TTLL7: variants seen among roughly 807,000 people sequenced by gnomAD.
The protein encoded by TTLL7 is tubulin tyrosine ligase like 7, also known as tubulin polyglutamylase TTLL7.
In TTLL7, 53 loss-of-function variants were observed where a neutral mutation model predicts 120.2. That is an observed-to-expected ratio of 0.44 (90% CI 0.35 to 0.55). TTLL7 has a LOEUF of 0.55. Among genes scored for constraint, TTLL7 ranks in the 20% least tolerant of loss-of-function variants. The pLI is 0.00. For synonymous variants in TTLL7, 353 were observed against 351.7 expected, an observed-to-expected ratio of 1.00 and a Z score of -0.04; for missense variants, 803 against 1,054.7, an observed-to-expected ratio of 0.76 and a Z score of 3.31.
rs766993889 is a variant in TTLL7 at position 83,937,878 on chromosome 1, C to T, written c.862G>A (p.Val288Ile). 1 of 1,614,004 alleles carries T rather than the reference C, an allele frequency of 6.2e-7. No individual in the cohort carries two copies. The highest frequency in any genetic ancestry group is 8.5e-7 in the Non-Finnish European group (1 of 1,179,948). ...GAAATATCACTCCAAAACTTAGCAA[C>T]ATCATGTTGATTTGCTTGAAGGAAT... is the stretch of plus-strand genomic sequence containing the variant. ...TEFLQANQHD[V>I]AKFWSDISEL... is the part of the protein sequence containing the mutation. The change falls in exon 8 of 21, where the codon GTT becomes ATT. Residue 288 changes from valine (V) to isoleucine (I), a missense_variant. Val to Ile is a conservative substitution (Grantham distance 29). Transcript: ENST00000260505.
rs148312754 is a variant in TTLL7 at position 83,928,002 on chromosome 1, A to G, written c.1142+1134T>C. On this transcript the variant is annotated intron_variant, in intron 10 of 20. Coordinates refer to ENST00000260505, the MANE Select transcript of TTLL7 (RefSeq NM_024686.6). Reference sequence around the variant, plus strand: ...TCTGTGGAACAACACTAAGAAAGATAAAGAAAATGAATTTCTACTTTCCCT... The same window carrying G: ...TCTGTGGAACAACACTAAGAAAGATGAAGAAAATGAATTTCTACTTTCCCT... Among the ~76,000 whole-genome samples the G allele has an allele frequency of 1.4e-4, 22 of 152,310 alleles. No individual in the cohort carries two copies. The East Asian group carries it at 4.2e-3, about 29-fold the overall frequency.
chr1:83,886,969 T>C (rs1028651404), intron 19 of TTLL7, among the ~76,000 whole-genome samples: 23 of 152,056 alleles, frequency 1.5e-4, no homozygotes, highest in African/African-American at 4.8e-4. Flanking sequence ...ATTCCAAATG[T>C]GGGCATCATA....
At chr1:83,911,825 G>T (rs1012777325) in intron 14 of TTLL7, among the ~76,000 whole-genome samples, 9 of 151,920 alleles carry the variant, frequency 5.9e-5, no homozygotes, top group African/African-American at 2.2e-4. Flanking sequence ...GTGTGTGTAT[G>T]TGTGTGGTGT....
chr1:83,968,971 T>C (rs1032394079), intron 1 of TTLL7, among the ~76,000 whole-genome samples: 1 of 152,044 alleles, frequency 6.6e-6, no homozygotes, highest in African/African-American at 2.4e-5. Context: ...AAATTTCTTC[T>C]GAACATAGTA....
At chr1:83,875,067 A>G (rs12116522) in intron 20 of TTLL7, among the ~76,000 whole-genome samples, 6,326 of 151,904 alleles carry the variant, frequency 0.042, 157 homozygotes, top group Middle Eastern at 0.099. Context: ...TAAATGTTCC[A>G]TTGAATGAGT....
intron 1 of TTLL7, among the ~76,000 whole-genome samples, chr1:83,997,309 T>G (rs546089425): frequency 1.3e-5 from 2 of 152,304 alleles, no homozygotes; most frequent in South Asian, 4.1e-4. Context: ...AAACAAGAGA[T>G]GCATTTCTTA....
intron 1 of TTLL7, among the ~76,000 whole-genome samples, chr1:83,966,414 T>G (rs1557757250): frequency 1.3e-5 from 2 of 152,062 alleles, no homozygotes; most frequent in African/African-American, 4.8e-5. Flanking sequence ...ATATAATTGA[T>G]TCTGTTTCTA....
At chr1:83,955,627 T>C (rs1649441318) in intron 1 of TTLL7, among the ~76,000 whole-genome samples, 1 of 152,164 alleles carries the variant, frequency 6.6e-6, no homozygotes, top group African/African-American at 2.4e-5. Context: ...CCTTCAGAAA[T>C]TTGAGAAATA....
In TTLL7 at chr1:83,908,603, G is replaced by T. The variant is rs531043141; in HGVS notation, c.1787-942C>A. ...GAACACCTAATAAAGAAAACCAACT[G>T]TTCCAGATAAATTTTGACTCCTGAC... is the stretch of plus-strand genomic sequence containing the variant. On this transcript the variant is annotated intron_variant, in intron 15 of 20. Transcript: ENST00000260505. Among the ~76,000 whole-genome samples the T allele has an allele frequency of 3.3e-5, 5 of 152,048 alleles. No individual in the cohort carries two copies. In the South Asian group the frequency reaches 1.0e-3, roughly 32 times the overall value.
intron 18 of TTLL7, among the ~76,000 whole-genome samples, chr1:83,892,981 A>AGAGGGGAGGG (rs1442966395): frequency 6.9e-6 from 1 of 144,450 alleles, no homozygotes; most frequent in South Asian, 2.2e-4. Context: ...GAGAAAAAAG[A>AGAGGGGAGGG]GAGGGGAGGG....
At chr1:83,996,126 T>C (rs1446534138) in intron 1 of TTLL7, among the ~76,000 whole-genome samples, 1 of 152,114 alleles carries the variant, frequency 6.6e-6, no homozygotes, top group Non-Finnish European at 1.5e-5. Flanking sequence ...ATTATGAGGG[T>C]GTTTTTTTCC....
intron 1 of TTLL7, among the ~76,000 whole-genome samples, chr1:83,971,647 TA>T (rs1326127754): frequency 1.3e-5 from 2 of 152,044 alleles, no homozygotes; most frequent in Non-Finnish European, 2.9e-5. Flanking sequence ...CTTGGTTCTG[TA>T]CTCCATCATT....
chr1:83,930,363 T>G (rs914007389), intron 9 of TTLL7, among the ~76,000 whole-genome samples: 2 of 152,138 alleles, frequency 1.3e-5, no homozygotes, highest in African/African-American at 2.4e-5. Context: ...TATAGAGATA[T>G]GCCATGTTGT....
At chr1:83,969,578 A>AT (rs1344446236) in intron 1 of TTLL7, among the ~76,000 whole-genome samples, 2 of 152,000 alleles carry the variant, frequency 1.3e-5, no homozygotes, top group Non-Finnish European at 2.9e-5. Flanking sequence ...ATTAGAAAGT[A>AT]TAACAAAAGT....
intron 12 of TTLL7, 107 bp downstream of exon 12, chr1:83,920,980 G>A (rs1330015377): frequency 8.2e-7 from 1 of 1,214,352 alleles, no homozygotes; most frequent in Non-Finnish European, 1.1e-6. Flanking sequence ...GCACTTGCTT[G>A]GAATGAAAGA....
At position 83,869,982 on chromosome 1, in the gene TTLL7, A is replaced by C. The variant is rs1365583220; in HGVS notation, c.2644T>G (p.Ser882Ala). The change falls in exon 21 of 21, where the codon TCC becomes GCC. Residue 882 changes from serine (S) to alanine (A), a missense_variant. By Grantham distance (99) the Ser-to-Ala change is moderately conservative. Transcript: ENST00000260505. ...CTGTTTCACAGATGGCCATATCTGG[A>C]TGTAAACAAAACATTGGAGCGAGTC... ...GMTRSNVLFT[S>A]RYGHL 1 of 1,595,746 alleles carries C rather than the reference A, an allele frequency of 6.3e-7. No individual in the cohort carries two copies. Among genetic ancestry groups the C allele is most frequent in the Non-Finnish European group, 8.5e-7 (1 of 1,174,106 alleles).
intron 19 of TTLL7, among the ~76,000 whole-genome samples, chr1:83,888,874 CAGTA>C (rs1284512656): frequency 6.6e-6 from 1 of 151,822 alleles, no homozygotes; most frequent in Non-Finnish European, 1.5e-5. Context: ...ATGATTCTGA[CAGTA>C]AGAAGGATAT....
intron 1 of TTLL7, among the ~76,000 whole-genome samples, chr1:83,976,636 C>T (rs945502714): frequency 7.2e-5 from 11 of 152,048 alleles, no homozygotes; most frequent in Non-Finnish European, 1.2e-4. Context: ...CCCAACAATA[C>T]TCTTCTCTGC....
chr1:83,912,630 GA>G (rs1474201819), intron 14 of TTLL7: 1 of 152,098 alleles, frequency 6.6e-6, no homozygotes, highest in Non-Finnish European at 1.5e-5. Flanking sequence ...AATAAAGACA[GA>G]AATAGCATTT....
Sources: allele counts gnomAD v4.1 joint callset (sites outside exome capture counted in the v4.1 genomes callset), GRCh38; gene constraint gnomAD v4.1.1; transcripts MANE v1.5; gene names NCBI Gene and HGNC (gene_info 2026-07-23, HGNC 2026-07-21).